Variants in ALG1 observed in about 807,000 individuals in gnomAD.
ALG1 encodes the protein chitobiosyldiphosphodolichol beta-mannosyltransferase.
Under a neutral mutation model 55.1 loss-of-function variants are expected in ALG1, and 58 were observed. That is an observed-to-expected ratio of 1.05 (90% confidence interval 0.85 to 1.31). The LOEUF is 1.31. Among genes scored for constraint, ALG1 ranks in the 50% most tolerant of loss-of-function variants. The pLI is 0.00. For missense variants in ALG1, 761 were observed against 598.6 expected, an observed-to-expected ratio of 1.27 and a Z score of -2.83; for synonymous variants, 309 against 247.0, an observed-to-expected ratio of 1.25 and a Z score of -2.35.
chr16:5,073,436 A>G lies in ALG1; in HGVS notation c.390+180A>G, dbSNP rs1287087151. 5 of 654,150 alleles carry G rather than the reference A, an allele frequency of 7.6e-6. No individual in the cohort carries two copies. In the East Asian group the frequency reaches 1.1e-4, roughly 14 times the overall value. The allele number at this position is 654,150 out of a possible 1,614,324, so 40.5% of individuals were successfully genotyped here. On this transcript the variant is annotated intron_variant, in intron 3 of 12. Transcript: ENST00000262374. ...GGCACCTATCCATGCTCTCTGTGTC[A>G]TTACAGATAGTCTTACATTGTACTG... is the stretch of plus-strand genomic sequence containing the variant.
Position 5,078,798 on chromosome 16 carries a change from CGGAGCG to C in ALG1, c.786_791del (p.Glu262_Arg263del), listed in dbSNP as rs746331465. ...CCAGTCACGGAGCGGTCGGCCTTCA[CGGAGCG>C]GGATGCTGGGAGCGGGCTGGTGACG... On this transcript the variant is annotated inframe_deletion, in exon 7 of 13. Coordinates refer to ENST00000262374, the MANE Select transcript of ALG1 (RefSeq NM_019109.5). 1 of 1,612,874 alleles carries C rather than the reference CGGAGCG, an allele frequency of 6.2e-7. No individual in the cohort carries two copies. Among genetic ancestry groups the C allele is most frequent in the Admixed American group, 1.7e-5 (1 of 60,020 alleles).
chr16:5,073,291 C>T (rs1336891838), intron 3 of ALG1, 35 bp downstream of exon 3: 5 of 1,582,164 alleles, frequency 3.2e-6, no homozygotes, highest in Non-Finnish European at 3.5e-6. Flanking sequence ...CTGTGAGAGC[C>T]ATGTTAGCAG....
At position 5,071,952 on chromosome 16, in the gene ALG1, G is replaced by A; in HGVS notation, c.103G>A (p.Val35Ile). The A allele has an allele frequency of 6.3e-7, 1 of 1,588,506 alleles. No homozygotes were observed. Among genetic ancestry groups the A allele is most frequent in the Non-Finnish European group, 8.6e-7 (1 of 1,167,574 alleles). Residue 35 changes from valine (V) to isoleucine (I), a missense_variant, in exon 1 of 13, where the codon GTA (valine) becomes ATA (isoleucine). Val to Ile is a conservative substitution (Grantham distance 29). Coordinates refer to ENST00000262374, the MANE Select transcript of ALG1 (RefSeq NM_019109.5). ...GCGCCGGGGGCGGGCGGCCCGGCAT[G>A]TAGTAGCGGTGGTGCTGGGCGACGT... ...RWRRGRAARH[V>I]VAVVLGDVGR...
chr16:5,077,929 C>G lies in ALG1; in HGVS notation c.652C>G (p.Pro218Ala), dbSNP rs528261173. 6.2e-7 allele frequency: 1 copy of G among 1,607,942 alleles called. No individual in the cohort carries two copies. Among genetic ancestry groups the G allele is most frequent in the Admixed American group, 1.7e-5 (1 of 60,018 alleles). The change falls in exon 6 of 13, where the codon CCC becomes GCC. Residue 218 changes from proline (P) to alanine (A), a missense_variant. Pro to Ala is a conservative substitution (Grantham distance 27). Transcript: ENST00000262374. ...HIRAVTVYDK[P>A]ASFFKETPLD... ...CAGGGCTGTGACCGTCTACGACAAG[C>G]CCGCATCTTTCTTTAAAGAGACACC...
intron 11 of ALG1, 86 bp from the exon 12 acceptor site, chr16:5,083,596 G>C (rs1213831283): frequency 2.5e-6 from 4 of 1,594,278 alleles, no homozygotes; most frequent in East Asian, 4.5e-5. Context: ...CTTGAGCATG[G>C]GGTGTGTGGG....
intron 6 of ALG1, chr16:5,078,555 T>G: frequency 3.5e-6 from 3 of 855,946 alleles, no homozygotes; most frequent in Non-Finnish European, 5.7e-6. Context: ...CAGTCTTGTT[T>G]GCTGTTGTAA....
Position 5,080,943 on chromosome 16 carries a change from A to T in ALG1, c.962-3A>T, listed in dbSNP as rs777367455. On this transcript the variant is annotated splice_polypyrimidine_tract_variant and splice_region_variant and intron_variant, in intron 9 of 12. Coordinates refer to ENST00000262374, the MANE Select transcript of ALG1 (RefSeq NM_019109.5). Reference sequence around the variant, plus strand: ...ATGGCAGTGTCTGCTCTTCTCTGTGAAGGCAAAGGGCCTCTGAGGGAGTAT... The same window carrying T: ...ATGGCAGTGTCTGCTCTTCTCTGTGTAGGCAAAGGGCCTCTGAGGGAGTAT... 3.1e-6 allele frequency: 5 copies of T among 1,596,288 alleles called. No individual in the cohort carries two copies. The highest frequency in any genetic ancestry group is 3.4e-6 in the Non-Finnish European group (4 of 1,179,710).
intron 3 of ALG1, among the ~76,000 whole-genome samples, chr16:5,075,139 A>G (rs1280904189): frequency 6.6e-6 from 1 of 152,090 alleles, no homozygotes; most frequent in Non-Finnish European, 1.5e-5. Context: ...CCTGGGCTCA[A>G]ATGATCCTCC....
Position 5,079,245 on chromosome 16 carries a change from G to A in ALG1, c.901+143G>A, listed in dbSNP as rs903722648. 7.9e-5 allele frequency: 86 copies of A among 1,094,218 alleles called. 1 individual carries two copies. In the East Asian group the frequency reaches 1.9e-3, roughly 24 times the overall value. 67.8% of individuals were successfully genotyped at this position (1,094,218 alleles called of 1,614,324 possible). A position where few individuals can be genotyped will look rare whatever the true frequency, so the allele number is the denominator to read the frequency against. On this transcript the variant is annotated intron_variant, in intron 8 of 12. Coordinates refer to ENST00000262374, the MANE Select transcript of ALG1 (RefSeq NM_019109.5). ...ACAGCGGGGGTGGTGGAAGTGGGCC[G>A]CCCTGAATCCCCAGTTGGGTCATTG... is the stretch of plus-strand genomic sequence containing the variant.
At position 5,085,243 on chromosome 16, in the gene ALG1, A is replaced by G. The variant is rs1285923992; in HGVS notation, c.*362A>G. The G allele has an allele frequency of 1.7e-5, 9 of 519,160 alleles. No homozygotes were observed. The Admixed American group carries it at 2.6e-4, about 15-fold the overall frequency. The allele number at this position is 519,160 out of a possible 1,614,324, so 32.2% of individuals were successfully genotyped here. On this transcript the variant is annotated 3_prime_UTR_variant, in exon 13 of 13. Transcript: ENST00000262374. ...CCTAACATTTTGATTCCTGTCTTGA[A>G]AAAAGCACCTGCTGCACCGTAAGCC...
chr16:5,080,073 CTTT>C (rs34927441), intron 9 of ALG1, among the ~76,000 whole-genome samples: 4 of 134,540 alleles, frequency 3.0e-5, no homozygotes, highest in African/African-American at 2.7e-5. Flanking sequence ...TCATTGGTGT[CTTT>C]TTTTTTTTTT....
intron 1 of ALG1, 89 bp from the exon 2 acceptor site, chr16:5,072,862 C>T (rs1396805639): frequency 8.1e-7 from 1 of 1,227,282 alleles, no homozygotes; most frequent in Non-Finnish European, 1.2e-6. Flanking sequence ...CTTTCCAAAA[C>T]ACTGTCCGTG....
intron 3 of ALG1, 35 bp downstream of exon 3, chr16:5,073,291 C>A: frequency 1.3e-6 from 2 of 1,582,160 alleles, no homozygotes; most frequent in Non-Finnish European, 1.7e-6. Flanking sequence ...CTGTGAGAGC[C>A]ATGTTAGCAG....
At chr16:5,072,170 G>A (rs1956828330) in intron 1 of ALG1, 113 bp downstream of exon 1, 2 of 1,523,610 alleles carry the variant, frequency 1.3e-6, no homozygotes, top group Non-Finnish European at 8.8e-7. Flanking sequence ...CCTTTGGGCA[G>A]CTCTCCGAGA....
chr16:5,076,301 A>G (rs1158197110), intron 4 of ALG1, among the ~76,000 whole-genome samples: 1 of 152,200 alleles, frequency 6.6e-6, no homozygotes, highest in Non-Finnish European at 1.5e-5. Context: ...TAGTTTGTTC[A>G]CTGGCAGTGG....
At chr16:5,082,513 C>T (rs192374409) in intron 10 of ALG1, 46 bp from the exon 11 acceptor site, 226 of 1,594,720 alleles carry the variant, frequency 1.4e-4, no homozygotes, top group Non-Finnish European at 1.8e-4. Context: ...GATTTGTGTT[C>T]CCAGGGCAGA....
chr16:5,079,213 C>G (rs927546411), intron 8 of ALG1, 111 bp downstream of exon 8: 3 of 1,425,996 alleles, frequency 2.1e-6, no homozygotes, highest in Non-Finnish European at 2.9e-6. Flanking sequence ...GGTGGGGCAG[C>G]CTGGGGACAG....
At chr16:5,073,344 T>C in intron 3 of ALG1, 88 bp downstream of exon 3, 6 of 1,178,578 alleles carry the variant, frequency 5.1e-6, no homozygotes, top group Non-Finnish European at 5.0e-6. Context: ...CATATTCATA[T>C]GTGTGTGTGT....
At chr16:5,075,633 G>A in intron 4 of ALG1, 97 bp downstream of exon 4, 2 of 1,491,436 alleles carry the variant, frequency 1.3e-6, no homozygotes, top group Non-Finnish European at 1.8e-6. Context: ...TCGGTTCCTT[G>A]TGGGCTCTGC....
Sources: allele counts gnomAD v4.1 joint callset (sites outside exome capture counted in the v4.1 genomes callset), GRCh38; gene constraint gnomAD v4.1.1; transcripts MANE v1.5; gene names NCBI Gene and HGNC (gene_info 2026-07-23, HGNC 2026-07-21).